Variants in DAW1 observed in about 807,000 individuals in gnomAD.
The protein encoded by DAW1 is dynein assembly factor with WD repeat domains 1.
In DAW1, 47 loss-of-function variants were observed where a neutral mutation model predicts 56.5. That is an observed-to-expected ratio of 0.83 (90% confidence interval 0.66 to 1.06). The LOEUF (loss-of-function observed/expected upper bound fraction) is 1.06, where lower values mean the gene tolerates loss of function less well. Ranked by LOEUF, DAW1 falls within the 50% of genes least tolerant of loss-of-function variation. The probability of loss-of-function intolerance (pLI) is 0.00; values close to 1 mark genes in which losing one functional copy is unlikely to be tolerated. For synonymous variants in DAW1, 190 were observed against 179.0 expected, an observed-to-expected ratio of 1.06 and a Z score of -0.49; for missense variants, 505 against 499.3, an observed-to-expected ratio of 1.01 and a Z score of -0.11.
Position 227,891,322 on chromosome 2 carries a change from C to A in DAW1, c.317+9C>A. ...AACAAATCGGGCTCATGGTAAGATTCTCTTTTTATGTCTAATTTTTAGCAG... is the reference window on the plus strand; with the variant it reads ...AACAAATCGGGCTCATGGTAAGATTATCTTTTTATGTCTAATTTTTAGCAG... On this transcript the variant is annotated intron_variant, in intron 4 of 12. Transcript: ENST00000309931. 1 of 1,611,342 alleles carries A rather than the reference C, an allele frequency of 6.2e-7. No homozygotes were observed. The highest frequency in any genetic ancestry group is 1.7e-5 in the Admixed American group (1 of 59,816).
intron 5 of DAW1, among the ~76,000 whole-genome samples, 199 bp from the exon 6 acceptor site, chr2:227,897,983 A>G (rs2106200099): frequency 6.6e-6 from 1 of 152,238 alleles, no homozygotes; most frequent in African/African-American, 2.4e-5. Context: ...TTAATATAAA[A>G]CCTTTAAAAT....
intron 6 of DAW1, among the ~76,000 whole-genome samples, chr2:227,898,798 A>G (rs776109293): frequency 2.0e-4 from 31 of 152,312 alleles, no homozygotes; most frequent in Non-Finnish European, 4.1e-4. Context: ...TCTGTAAAGA[A>G]CTGTATCCTA....
intron 4 of DAW1, 135 bp from the exon 5 acceptor site, chr2:227,893,660 A>C (rs879905641): frequency 2.2e-6 from 3 of 1,362,684 alleles, no homozygotes; most frequent in Non-Finnish European, 2.9e-6. Context: ...TGACAGAGCG[A>C]GACTCCCTCT....
chr2:227,879,780 C>A (rs1045637124), intron 1 of DAW1, among the ~76,000 whole-genome samples: 3 of 152,014 alleles, frequency 2.0e-5, no homozygotes, highest in African/African-American at 7.2e-5. Context: ...TTGAACAATA[C>A]ATTCTTTCTC....
In DAW1 at chr2:227,903,109, A is replaced by T. The variant is rs764978507; in HGVS notation, c.648A>T (p.Arg216Ser). The stretch of plus-strand genomic sequence containing the variant: ...ATGGCGAGGAAGTTTACACCTTAAG[A>T]GTATGTCAATAATGTTAATAAGCCT... ...IQNGEEVYTL[R>S]GHSAEIISLS... The change falls in exon 7 of 13, where the codon AGA becomes AGT. Residue 216 changes from arginine to serine, a missense_variant and splice_region_variant. Physicochemically the swap from Arg to Ser is moderately radical, Grantham distance 110 (BLOSUM62 -1). Coordinates refer to ENST00000309931, the MANE Select transcript of DAW1 (RefSeq NM_178821.3). 2.5e-6 allele frequency: 4 copies of T among 1,613,332 alleles called. No individual in the cohort carries two copies. The Admixed American group carries it at 5.0e-5, about 20-fold the overall frequency.
intron 1 of DAW1, chr2:227,876,522 G>T: frequency 7.7e-7 from 1 of 1,297,334 alleles, no homozygotes; most frequent in Non-Finnish European, 1.0e-6. Context: ...AGCATTATCA[G>T]ATAGGAAAAA....
At chr2:227,882,451 C>T (rs567068216) in intron 1 of DAW1, among the ~76,000 whole-genome samples, 51 of 152,286 alleles carry the variant, frequency 3.3e-4, no homozygotes, top group African/African-American at 1.2e-3. Context: ...TCAAAAAAAT[C>T]CCAACAGAAC....
At position 227,889,998 on chromosome 2, in the gene DAW1, A is replaced by G; in HGVS notation, c.256A>G (p.Lys86Glu). 1 of 1,565,788 alleles carries G rather than the reference A, an allele frequency of 6.4e-7. No homozygotes were observed. Among genetic ancestry groups the G allele is most frequent in the Non-Finnish European group, 8.6e-7 (1 of 1,161,456 alleles). Residue 86 changes from lysine (K) to glutamate (E), a missense_variant and splice_region_variant, in exon 3 of 13, where the codon AAG becomes GAG. Transcript: ENST00000309931. ...QNSNHTFYLF[K>E]VLKAHILPLT... The stretch of plus-strand genomic sequence containing the variant: ...CAGCAATCACACGTTCTATCTTTTT[A>G]AGGTAATGGATTTAAAAACAATCAG...
chr2:227,921,510 G>T lies in DAW1; in HGVS notation c.1162G>T (p.Asp388Tyr), dbSNP rs752631228. The T allele has an allele frequency of 2.5e-6, 4 of 1,613,730 alleles. No individual in the cohort carries two copies. The change falls in exon 12 of 13, where the codon GAT (aspartate) becomes TAT (tyrosine). Residue 388 changes from aspartate to tyrosine, a missense_variant. By Grantham distance (160) the Asp-to-Tyr change is radical. Coordinates refer to ENST00000309931, the MANE Select transcript of DAW1 (RefSeq NM_178821.3). ...QCLQVLEGHT[D>Y]EIFSCAFNYK... is the part of the protein sequence containing the mutation. The stretch of plus-strand genomic sequence containing the variant: ...CCTCCAGGTTCTTGAGGGGCACACT[G>T]ATGAAATCTTTTCATGTGCTTTCAA...
Position 227,871,736 on chromosome 2 carries a change from A to G in DAW1, c.40+7A>G, listed in dbSNP as rs1361723254. On this transcript the variant is annotated splice_region_variant and intron_variant, in intron 1 of 12. Transcript: ENST00000309931. ...CTCCGGTATTACCCGCCAGGTACGC[A>G]CCAGCCCGGCCCCGTCATCCCCACG... 6 of 1,613,852 alleles carry G rather than the reference A, an allele frequency of 3.7e-6. No individual in the cohort carries two copies. In the East Asian group the frequency reaches 1.3e-4, roughly 36 times the overall value.
At chr2:227,912,731 G>A (rs955854544) in intron 10 of DAW1, among the ~76,000 whole-genome samples, 11 of 152,096 alleles carry the variant, frequency 7.2e-5, no homozygotes, top group African/African-American at 2.7e-4. Context: ...ATGTAGGATG[G>A]CATATTCTGG....
chr2:227,920,363 C>T (rs975236835), intron 11 of DAW1, among the ~76,000 whole-genome samples: 11 of 152,122 alleles, frequency 7.2e-5, no homozygotes, highest in East Asian at 3.9e-4. Context: ...AAAACAGATA[C>T]GGCCCTGCCC....
chr2:227,912,360 G>C (rs1417998513), intron 10 of DAW1: 40 of 1,304,606 alleles, frequency 3.1e-5, no homozygotes, highest in Non-Finnish European at 3.9e-5. Context: ...AGCCGCCCGA[G>C]TTATGTCACG....
At chr2:227,917,503 T>G (rs2396515) in intron 10 of DAW1, among the ~76,000 whole-genome samples, 151,929 of 151,954 alleles carry the variant, frequency 1, 75,952 homozygotes, top group Middle Eastern at 1. Context: ...CTCGTGATCC[T>G]CCCGCCTCGG....
rs1256638833 is a variant in DAW1 at position 227,905,801 on chromosome 2, C to A, written c.756-435C>A. Among the ~76,000 whole-genome samples, 3 of 152,374 alleles carry A rather than the reference C, an allele frequency of 2.0e-5. No homozygotes were observed. In the East Asian group the frequency reaches 5.8e-4, roughly 29 times the overall value. On this transcript the variant is annotated intron_variant, in intron 8 of 12. Coordinates refer to ENST00000309931, the MANE Select transcript of DAW1 (RefSeq NM_178821.3). ...ACGGAGTCTCGCTCTGTTGCCCAGG[C>A]TGGAGTGCAGTGGCGTGATCTCGGC...
chr2:227,905,918 C>A (rs1310167889), intron 8 of DAW1, among the ~76,000 whole-genome samples: 1 of 152,258 alleles, frequency 6.6e-6, no homozygotes, highest in South Asian at 2.1e-4. Flanking sequence ...CCACGCCTGG[C>A]TAATTTTTTG....
intron 10 of DAW1, among the ~76,000 whole-genome samples, chr2:227,911,693 A>C (rs973017789): frequency 2.0e-5 from 3 of 152,024 alleles, no homozygotes; most frequent in African/African-American, 7.2e-5. Context: ...ACATGTTTTC[A>C]TCCTCTCCTT....
At position 227,887,443 on chromosome 2, in the gene DAW1, A is replaced by G. The variant is rs190252385; in HGVS notation, c.113+2020A>G. Among the ~76,000 whole-genome samples the G allele has an allele frequency of 6.3e-4, 96 of 152,336 alleles. No individual in the cohort carries two copies. The East Asian group carries it at 0.016, about 25-fold the overall frequency. ...AAGAATCTAATCTGGGTTAGATTCT[A>G]TAAGAGGCTATAAAGATATTACTCA... is the stretch of plus-strand genomic sequence containing the variant. On this transcript the variant is annotated intron_variant, in intron 2 of 12. Transcript: ENST00000309931.
chr2:227,908,655 A>G (rs368113076), intron 10 of DAW1, among the ~76,000 whole-genome samples: 1 of 152,230 alleles, frequency 6.6e-6, no homozygotes. Context: ...TGTTAACACT[A>G]TACAATTTCT....
Sources: allele counts gnomAD v4.1 joint callset (sites outside exome capture counted in the v4.1 genomes callset), GRCh38; gene constraint gnomAD v4.1.1; transcripts MANE v1.5; gene names NCBI Gene and HGNC (gene_info 2026-07-23, HGNC 2026-07-21).